The following TDRD6 variants were observed in gnomAD, a reference collection of about 807,000 sequenced individuals.
TDRD6 encodes tudor domain-containing protein 6.
A neutral mutation model predicts 157.5 loss-of-function variants in TDRD6; 186 were observed. That is an observed-to-expected ratio of 1.18 (90% CI 1.05 to 1.33). The LOEUF is 1.33. Ranked by LOEUF, TDRD6 falls within the 40% of genes most tolerant of loss-of-function variation. The probability of loss-of-function intolerance (pLI) is 0.00; values close to 1 mark genes in which losing one functional copy is unlikely to be tolerated. For missense variants in TDRD6, 3,066 were observed against 2,508.0 expected, an observed-to-expected ratio of 1.22 and a Z score of -4.75; for synonymous variants, 1,075 against 945.2, an observed-to-expected ratio of 1.14 and a Z score of -2.52.
Position 46,688,718 on chromosome 6 carries a change from C to T in TDRD6, c.590C>T (p.Ala197Val). 6.3e-7 allele frequency: 1 copy of T among 1,599,318 alleles called. No homozygotes were observed. The highest frequency in any genetic ancestry group is 1.1e-5 in the South Asian group (1 of 90,932). The change falls in exon 1 of 4, where the codon GCT becomes GTT. Residue 197 changes from alanine to valine, a missense_variant. By Grantham distance (64) the Ala-to-Val change is moderately conservative. Transcript: ENST00000316081. ...CAACAGATGCGGGAGCTGGGCCTGG[C>T]TCGGCGGGTGCCCGACAGCCTCTTC... Reference protein sequence around the residue: ...VFQQMRELGLARRVPDSLFRS... With the variant: ...VFQQMRELGLVRRVPDSLFRS...
chr6:46,687,034 G>C (rs566930625), upstream of TDRD6, among the ~76,000 whole-genome samples: 4 of 152,322 alleles, frequency 2.6e-5, no homozygotes, highest in East Asian at 7.7e-4. Flanking sequence ...AAGCTTCCAC[G>C]GATGTGTCTA....
chr6:46,690,845 T>C lies in TDRD6; in HGVS notation c.2717T>C (p.Phe906Ser). The change falls in exon 1 of 4, where the codon TTC (phenylalanine) becomes TCC (serine). Residue 906 changes from phenylalanine to serine, a missense_variant. By Grantham distance (155) the Phe-to-Ser change is radical (BLOSUM62 -2). Coordinates refer to ENST00000316081, the MANE Select transcript of TDRD6 (RefSeq NM_001010870.3). Reference protein sequence around the residue: ...FVWDVKAIQAFNEFIDNAWQK... With the variant: ...FVWDVKAIQASNEFIDNAWQK... The stretch of plus-strand genomic sequence containing the variant: ...TGGGATGTAAAGGCAATACAAGCTT[T>C]CAATGAATTTATAGATAATGCATGG... The C allele has an allele frequency of 6.2e-7, 1 of 1,613,764 alleles. No individual in the cohort carries two copies. The highest frequency in any genetic ancestry group is 8.5e-7 in the Non-Finnish European group (1 of 1,179,940).
In TDRD6 at chr6:46,691,109, A is replaced by T; in HGVS notation, c.2981A>T (p.His994Leu). ...IGSEELVYIT[H>L]IDDPWTFYCQ... is the part of the protein sequence containing the mutation. ...AGTGAAGAATTAGTTTATATAACGCATATTGATGACCCTTGGACATTTTAT... is the reference window on the plus strand; with the variant it reads ...AGTGAAGAATTAGTTTATATAACGCTTATTGATGACCCTTGGACATTTTAT... Residue 994 changes from histidine to leucine, a missense_variant, in exon 1 of 4, where the codon CAT (histidine) becomes CTT (leucine). His to Leu is a moderately conservative substitution (Grantham distance 99, BLOSUM62 -3). Coordinates refer to ENST00000316081, the MANE Select transcript of TDRD6 (RefSeq NM_001010870.3). 1.2e-6 allele frequency: 2 copies of T among 1,614,004 alleles called. No individual in the cohort carries two copies. The highest frequency in any genetic ancestry group is 1.1e-5 in the South Asian group (1 of 91,064).
Position 46,692,163 on chromosome 6 carries a change from C to T in TDRD6, c.4035C>T (p.Pro1345=), listed in dbSNP as rs750220784. ...GATTAAACAGTGTTAAAACAAGGCC[C>T]GAATATTATGTAGGTCCACCTTTGC... ...SERLNSVKTR[P]EYYVGPPLQR... The change falls in exon 1 of 4, where the codon CCC becomes CCT. Residue 1345 remains proline, a synonymous_variant. Transcript: ENST00000316081. 1.4e-5 allele frequency: 23 copies of T among 1,613,786 alleles called. No homozygotes were observed. Among genetic ancestry groups the T allele is most frequent in the African/African-American group, 2.7e-5 (2 of 74,866 alleles).
At chr6:46,698,647 C>A (rs1322679689) in intron 3 of TDRD6, among the ~76,000 whole-genome samples, 1 of 152,176 alleles carries the variant, frequency 6.6e-6, no homozygotes, top group African/African-American at 2.4e-5. Context: ...TTGAACTTCT[C>A]ACTTCACAAT....
chr6:46,692,289 T>C lies in TDRD6; in HGVS notation c.4161T>C (p.Phe1387=). The change falls in exon 1 of 4, where the codon TTT becomes TTC. Residue 1387 remains phenylalanine (F), a synonymous_variant. Coordinates refer to ENST00000316081, the MANE Select transcript of TDRD6 (RefSeq NM_001010870.3). ...CCAATGACCTTCTCTCTGTGCAGTT[T>C]ATAGATTATGGCAATGTTTCTGTGG... ...QQPNDLLSVQ[F]IDYGNVSVVH... is the part of the protein sequence containing the mutation. The C allele has an allele frequency of 6.2e-7, 1 of 1,614,184 alleles. No individual in the cohort carries two copies.
In TDRD6 at chr6:46,689,215, C is replaced by T. The variant is rs974236518; in HGVS notation, c.1087C>T (p.Leu363=). ...GAGTTGCAGCAGCCTTCGGTACTTG[C>T]TGCCTGAATATTTTCGAATGCCGGT... ...LVSCSSLRYL[L]PEYFRMPVVT... The change falls in exon 1 of 4, where the codon CTG becomes TTG. Residue 363 remains leucine, a synonymous_variant. Transcript: ENST00000316081. 5 of 1,614,050 alleles carry T rather than the reference C, an allele frequency of 3.1e-6. No individual in the cohort carries two copies. The highest frequency in any genetic ancestry group is 4.2e-6 in the Non-Finnish European group (5 of 1,180,036).
upstream of TDRD6, among the ~76,000 whole-genome samples, chr6:46,684,925 G>A (rs184321624): frequency 1.5e-3 from 230 of 151,620 alleles, 1 homozygote; most frequent in Non-Finnish European, 2.7e-3. Context: ...CATAAGTGAT[G>A]CAGTTTATTC....
At position 46,692,697 on chromosome 6, in the gene TDRD6, T is replaced by G. The variant is rs778623127; in HGVS notation, c.4569T>G (p.Ala1523=). 1 of 1,614,082 alleles carries G rather than the reference T, an allele frequency of 6.2e-7. No individual in the cohort carries two copies. Among genetic ancestry groups the G allele is most frequent in the Non-Finnish European group, 8.5e-7 (1 of 1,180,008 alleles). ...WYNPEKKMIR[A]YATVIDGPEY... is the part of the protein sequence containing the mutation. ...ATCCAGAAAAAAAAATGATAAGAGC[T>G]TATGCCACTGTGATAGATGGACCTG... The change falls in exon 1 of 4, where the codon GCT becomes GCG. Residue 1523 remains alanine (A), a synonymous_variant. Transcript: ENST00000316081.
chr6:46,684,684 T>C (rs1476829960), upstream of TDRD6, among the ~76,000 whole-genome samples: 3 of 152,146 alleles, frequency 2.0e-5, no homozygotes, highest in African/African-American at 7.2e-5. Context: ...ACATCAATAA[T>C]TCATTTTCCT....
chr6:46,687,996 G>C lies in TDRD6; in HGVS notation c.-133G>C. 7.6e-7 allele frequency: 1 copy of C among 1,323,768 alleles called. No individual in the cohort carries two copies. The highest frequency in any genetic ancestry group is 9.7e-7 in the Non-Finnish European group (1 of 1,025,892). The allele number at this position is 1,323,768 out of a possible 1,614,324, so 82.0% of individuals were successfully genotyped here. On this transcript the variant is annotated 5_prime_UTR_variant, in exon 1 of 4. Transcript: ENST00000316081. The stretch of plus-strand genomic sequence containing the variant: ...GGAGTTGCCGAGAAAAGGCCTCGCC[G>C]GCATTCTTCCCCTCCACTGGGTCCT...
rs1397670394 is a variant in TDRD6, at chr6:46,689,001, G to A, written c.873G>A (p.Thr291=). The change falls in exon 1 of 4, where the codon ACG becomes ACA. Residue 291 remains threonine (T), a synonymous_variant. Transcript: ENST00000316081. ...ESMAQVYRGS[T]GTGDENSTSA... ...TGGCCCAGGTATACCGGGGTTCCAC[G>A]GGGACAGGGGATGAGAACTCTACCA... 1.2e-6 allele frequency: 2 copies of A among 1,613,744 alleles called. No homozygotes were observed. Among genetic ancestry groups the A allele is most frequent in the Non-Finnish European group, 8.5e-7 (1 of 1,179,766 alleles).
Position 46,692,281 on chromosome 6 carries a change from G to C in TDRD6, c.4153G>C (p.Val1385Leu). ...KEQQPNDLLS[V>L]QFIDYGNVSV... ...GCAACAACCCAATGACCTTCTCTCT[G>C]TGCAGTTTATAGATTATGGCAATGT... The change falls in exon 1 of 4, where the codon GTG becomes CTG. Residue 1385 changes from valine (V) to leucine (L), a missense_variant. Physicochemically the swap from Val to Leu is conservative, Grantham distance 32. Coordinates refer to ENST00000316081, the MANE Select transcript of TDRD6 (RefSeq NM_001010870.3). The C allele has an allele frequency of 6.2e-7, 1 of 1,614,098 alleles. No individual in the cohort carries two copies. The highest frequency in any genetic ancestry group is 2.2e-5 in the East Asian group (1 of 44,882).
Position 46,688,011 on chromosome 6 carries a change from C to T in TDRD6, c.-118C>T. 1 of 1,358,810 alleles carries T rather than the reference C, an allele frequency of 7.4e-7. No individual in the cohort carries two copies. Among genetic ancestry groups the T allele is most frequent in the East Asian group, 3.0e-5 (1 of 33,244 alleles). The allele number at this position is 1,358,810 out of a possible 1,614,324, so 84.2% of individuals were successfully genotyped here. On this transcript the variant is annotated 5_prime_UTR_variant, in exon 1 of 4. Coordinates refer to ENST00000316081, the MANE Select transcript of TDRD6 (RefSeq NM_001010870.3). The stretch of plus-strand genomic sequence containing the variant: ...AGGCCTCGCCGGCATTCTTCCCCTC[C>T]ACTGGGTCCTTTGAACCTAGTTTGG...
rs1385766808 is a variant in TDRD6, at chr6:46,690,486, T to A, written c.2358T>A (p.Tyr786Ter). ...VRVSYVENPG[Y>*]FWCQLTRNIQ... ...TGTCTTATGTTGAAAACCCTGGCTA[T>A]TTCTGGTGTCAGCTGACCAGGAACA... The change falls in exon 1 of 4, where the codon TAT becomes TAA. Residue 786 changes from tyrosine to a stop codon, truncating the protein, a stop_gained. Coordinates refer to ENST00000316081, the MANE Select transcript of TDRD6 (RefSeq NM_001010870.3). LOFTEE classifies it high-confidence loss of function. 1 of 1,614,104 alleles carries A rather than the reference T, an allele frequency of 6.2e-7. No homozygotes were observed. Among genetic ancestry groups the A allele is most frequent in the East Asian group, 2.2e-5 (1 of 44,880 alleles).
In TDRD6 at chr6:46,689,499, A is replaced by C. The variant is rs769106093; in HGVS notation, c.1371A>C (p.Pro457=). 1 of 1,613,890 alleles carries C rather than the reference A, an allele frequency of 6.2e-7. No individual in the cohort carries two copies. The highest frequency in any genetic ancestry group is 1.3e-5 in the African/African-American group (1 of 74,942). ...GCCAGGCAACAGAGGAGGAGGAACC[A>C]GAAACATCTCAGTCTCAGTCTCCTG... ...LQSQATEEEE[P]ETSQSQSPAE... is the part of the protein sequence containing the mutation. Residue 457 remains proline, a synonymous_variant, in exon 1 of 4, where the codon CCA becomes CCC. Coordinates refer to ENST00000316081, the MANE Select transcript of TDRD6 (RefSeq NM_001010870.3).
the TDRD6 span, among the ~76,000 whole-genome samples, chr6:46,681,905 G>A: frequency 6.6e-6 from 1 of 152,038 alleles, no homozygotes; most frequent in South Asian, 2.1e-4. Context: ...ATAGTGGGGA[G>A]GGAATGAGGA....
At chr6:46,681,910 TGAG>T in the TDRD6 span, among the ~76,000 whole-genome samples, 1 of 151,962 alleles carries the variant, frequency 6.6e-6, no homozygotes, top group African/African-American at 2.4e-5. Context: ...GGGGAGGGAA[TGAG>T]GAGTTGTTTA....
At position 46,698,007 on chromosome 6, in the gene TDRD6, C is replaced by A; in HGVS notation, c.6181C>A (p.Leu2061Ile). Residue 2061 changes from leucine (L) to isoleucine (I), a missense_variant, in exon 3 of 4, where the codon CTT (leucine) becomes ATT (isoleucine). Leu to Ile is a conservative substitution (Grantham distance 5, BLOSUM62 2). Coordinates refer to ENST00000316081, the MANE Select transcript of TDRD6 (RefSeq NM_001010870.3). ...TAEEGTRVLN[L>I]SNGMEEIVNP... Reference sequence around the variant, plus strand: ...TTGTTTTCTCCTGTAGGTTTTGAACCTTTCAAATGGTATGGAGGAGATAGT... The same window carrying A: ...TTGTTTTCTCCTGTAGGTTTTGAACATTTCAAATGGTATGGAGGAGATAGT... 6.3e-7 allele frequency: 1 copy of A among 1,590,806 alleles called. No homozygotes were observed. The highest frequency in any genetic ancestry group is 8.6e-7 in the Non-Finnish European group (1 of 1,166,744).
Sources: gnomAD v4.1 joint callset for allele counts (sites outside exome capture counted in the v4.1 genomes callset) on GRCh38, gnomAD v4.1.1 for gene constraint, MANE v1.5 for transcripts, NCBI Gene and HGNC (gene_info 2026-07-23, HGNC 2026-07-21) for gene names.